The following PARD3 variants were observed in gnomAD, a reference collection of about 807,000 sequenced individuals.
PARD3 encodes partitioning defective 3 homolog.
Under a neutral mutation model 155.4 loss-of-function variants are expected in PARD3, and 75 were observed. The observed-to-expected ratio is 0.48, with a 90% CI of 0.40 to 0.58. PARD3 has a LOEUF of 0.58. PARD3 is among the 20% of genes least tolerant of loss of function. The pLI is 0.00. For synonymous variants in PARD3, 576 were observed against 610.5 expected (o/e 0.94, Z 0.83); for missense variants, 1,642 against 1,721.7 (o/e 0.95, Z 0.82).
intron 22 of PARD3, among the ~76,000 whole-genome samples, chr10:34,241,122 A>G (rs1953562100): frequency 6.6e-6 from 1 of 152,212 alleles, no homozygotes; most frequent in African/African-American, 2.4e-5. Flanking sequence ...TATAAAAAGC[A>G]TTCAAGAGGG....
intron 22 of PARD3, among the ~76,000 whole-genome samples, chr10:34,226,519 C>T (rs1952610772): frequency 6.6e-6 from 1 of 152,224 alleles, no homozygotes; most frequent in African/African-American, 2.4e-5. Context: ...CACTGCACTC[C>T]AGCCTGGGGG....
chr10:34,804,270 C>A (rs1312437214), intron 1 of PARD3, among the ~76,000 whole-genome samples: 3 of 152,170 alleles, frequency 2.0e-5, no homozygotes, highest in Admixed American at 1.3e-4. Context: ...CTCCTGGCCT[C>A]AAGTGATCCG....
chr10:34,650,787 G>A (rs552562295), intron 2 of PARD3, among the ~76,000 whole-genome samples: 3 of 152,042 alleles, frequency 2.0e-5, no homozygotes, highest in Non-Finnish European at 4.4e-5. Context: ...CGAGGTGGCC[G>A]GATCACCTGA....
intron 22 of PARD3, among the ~76,000 whole-genome samples, chr10:34,239,689 G>A (rs1953455739): frequency 6.6e-6 from 1 of 151,784 alleles, no homozygotes; most frequent in Non-Finnish European, 1.5e-5. Context: ...TGTGATCCCA[G>A]CTACTCAGGA....
At chr10:34,437,549 C>T (rs560467567) in intron 5 of PARD3, among the ~76,000 whole-genome samples, 3 of 151,972 alleles carry the variant, frequency 2.0e-5, no homozygotes, top group African/African-American at 7.2e-5. Flanking sequence ...ATCCATTGTT[C>T]CTAGAATAAG....
At chr10:34,557,163 G>A (rs879147262) in intron 2 of PARD3, among the ~76,000 whole-genome samples, 3 of 152,134 alleles carry the variant, frequency 2.0e-5, no homozygotes, top group Admixed American at 2.0e-4. Flanking sequence ...TTGCCAAAGT[G>A]GGCTACTCCT....
intron 3 of PARD3, among the ~76,000 whole-genome samples, chr10:34,478,666 T>A (rs1357086878): frequency 6.6e-6 from 1 of 151,966 alleles, no homozygotes; most frequent in Non-Finnish European, 1.5e-5. Context: ...GCCTCAGCCT[T>A]CCGAGTAGCT....
In PARD3 at chr10:34,344,017, T is replaced by C. The variant is rs1026095145; in HGVS notation, c.2219-2201A>G. 5.1e-6 allele frequency: 5 copies of C among 977,100 alleles called. No homozygotes were observed. The African/African-American group carries it at 8.8e-5, about 17-fold the overall frequency. 60.5% of individuals were successfully genotyped at this position (977,100 alleles called of 1,614,324 possible). A position where few individuals can be genotyped will look rare whatever the true frequency, so the allele number is the denominator to read the frequency against. On this transcript the variant is annotated intron_variant, in intron 15 of 24. Coordinates refer to ENST00000374788, the MANE Select transcript of PARD3 (RefSeq NM_001184785.2). ...TTTCTATGTCAAATTGCTAACAAGA[T>C]AAAAATGTTCTAAATACGTCTTCTT...
chr10:34,728,464 AC>A (rs1371008048), intron 1 of PARD3, among the ~76,000 whole-genome samples: 1 of 152,190 alleles, frequency 6.6e-6, no homozygotes, highest in Non-Finnish European at 1.5e-5. Context: ...AGGAAAAAAA[AC>A]ACCAAACCTC....
At chr10:34,546,602 T>C (rs1052858172) in intron 2 of PARD3, among the ~76,000 whole-genome samples, 8 of 151,910 alleles carry the variant, frequency 5.3e-5, no homozygotes, top group African/African-American at 1.9e-4. Flanking sequence ...AAATTTTAAT[T>C]TAAATAACTA....
At chr10:34,289,939 C>A (rs961195059) in intron 20 of PARD3, among the ~76,000 whole-genome samples, 2 of 152,118 alleles carry the variant, frequency 1.3e-5, no homozygotes, top group African/African-American at 4.8e-5. Flanking sequence ...CAAAGGATGA[C>A]AACAAATTCT....
intron 22 of PARD3, 38 bp downstream of exon 22, chr10:34,269,619 G>GT (rs1955514070): frequency 6.2e-7 from 1 of 1,605,256 alleles, no homozygotes; most frequent in Admixed American, 1.7e-5. Flanking sequence ...TATAAAAGCT[G>GT]ATTTGGAAGC....
At chr10:34,390,823 T>TG (rs1842809255) in intron 7 of PARD3, among the ~76,000 whole-genome samples, 1 of 152,256 alleles carries the variant, frequency 6.6e-6, no homozygotes, top group African/African-American at 2.4e-5. Context: ...ATAGTTTTTT[T>TG]TGTGTGTGTA....
intron 3 of PARD3, among the ~76,000 whole-genome samples, chr10:34,474,150 G>GC (rs1216970084): frequency 6.6e-6 from 1 of 152,188 alleles, no homozygotes; most frequent in Non-Finnish European, 1.5e-5. Flanking sequence ...GGGCAACAGA[G>GC]CAAGGCCCTG....
At chr10:34,269,255 T>C (rs1285372781) in intron 22 of PARD3, among the ~76,000 whole-genome samples, 1 of 152,194 alleles carries the variant, frequency 6.6e-6, no homozygotes, top group Non-Finnish European at 1.5e-5. Context: ...GTGATCCATC[T>C]AAATCATAAG....
chr10:34,200,063 T>C (rs1432406921), intron 22 of PARD3, among the ~76,000 whole-genome samples: 1 of 152,226 alleles, frequency 6.6e-6, no homozygotes, highest in Admixed American at 6.5e-5. Context: ...TGAACTATCT[T>C]TGTGAGCTAT....
intron 22 of PARD3, among the ~76,000 whole-genome samples, chr10:34,166,672 G>A (rs1485813219): frequency 2.0e-5 from 3 of 151,382 alleles, no homozygotes; most frequent in Non-Finnish European, 4.4e-5. Context: ...CATGTACCCT[G>A]GCTGGGACTG....
intron 2 of PARD3, among the ~76,000 whole-genome samples, chr10:34,676,651 C>T (rs2093712730): frequency 6.6e-6 from 1 of 152,180 alleles, no homozygotes; most frequent in Non-Finnish European, 1.5e-5. Flanking sequence ...GTTAGAAATG[C>T]TCGGCGGAAT....
At chr10:34,310,443 G>A (rs1212002589) in intron 20 of PARD3, among the ~76,000 whole-genome samples, 2 of 152,170 alleles carry the variant, frequency 1.3e-5, no homozygotes, top group East Asian at 1.9e-4. Flanking sequence ...TTTCTTTTGC[G>A]AAAAGGTTTG....
Sources: gnomAD v4.1 joint callset for allele counts (sites outside exome capture counted in the v4.1 genomes callset) on GRCh38, gnomAD v4.1.1 for gene constraint, MANE v1.5 for transcripts, NCBI Gene and HGNC (gene_info 2026-07-23, HGNC 2026-07-21) for gene names.